Variants in NR2E3 observed in about 807,000 individuals in gnomAD.
NR2E3 encodes the protein photoreceptor-specific nuclear receptor.
A neutral mutation model predicts 37.6 loss-of-function variants in NR2E3; 38 were observed. The observed-to-expected ratio is 1.01, with a 90% CI of 0.78 to 1.33. The LOEUF is 1.33. Ranked by LOEUF, NR2E3 falls within the 40% of genes most tolerant of loss-of-function variation. NR2E3 has a pLI of 0.00. For synonymous variants in NR2E3, 235 were observed against 225.1 expected, an observed-to-expected ratio of 1.04 and a Z score of -0.39; for missense variants, 562 against 558.7, an observed-to-expected ratio of 1.01 and a Z score of -0.06.
chr15:71,816,257 CTTTT>C (rs59789846), intron 7 of NR2E3, among the ~76,000 whole-genome samples: 3 of 121,982 alleles, frequency 2.5e-5, no homozygotes, highest in East Asian at 2.7e-4. Context: ...TTAGCAAATA[CTTTT>C]TTTTTTTTTT....
chr15:71,813,774 G>C lies in NR2E3; in HGVS notation c.994+139G>C, dbSNP rs2054206185. 6.8e-7 allele frequency: 1 copy of C among 1,471,946 alleles called. No individual in the cohort carries two copies. Among genetic ancestry groups the C allele is most frequent in the Non-Finnish European group, 9.3e-7 (1 of 1,080,054 alleles). 91.2% of individuals were successfully genotyped at this position (1,471,946 alleles called of 1,614,324 possible). On this transcript the variant is annotated intron_variant, in intron 6 of 7. Transcript: ENST00000617575. This position sits in a 1 kb window ranked among gnomAD's most constrained non-coding sequence, Gnocchi z 4.7. ...GGGTGGGAGGAGAGTGGTGAGGCTG[G>C]ACTCCCTTCTCCTTGGGGCCACTCC... is the stretch of plus-strand genomic sequence containing the variant.
rs2054207496 is a variant in NR2E3, at chr15:71,813,986, A to C, written c.995-26A>C. ...TTATAACAGCCGTAAACCTGTGCTA[A>C]GCTCACTGGTGCTGCTTCTCCCCAG... On this transcript the variant is annotated intron_variant, in intron 6 of 7. Coordinates refer to ENST00000617575, the MANE Select transcript of NR2E3 (RefSeq NM_014249.4). The surrounding 1 kb of genome is among the most constrained non-coding windows in gnomAD (Gnocchi z 4.7). The C allele has an allele frequency of 2.5e-6, 4 of 1,601,290 alleles. No homozygotes were observed. The highest frequency in any genetic ancestry group is 1.1e-5 in the South Asian group (1 of 88,362).
intron 4 of NR2E3, 27 bp downstream of exon 4, chr15:71,812,203 A>G: frequency 6.2e-7 from 1 of 1,601,414 alleles, no homozygotes; most frequent in Non-Finnish European, 8.5e-7. Flanking sequence ...CTGAGGGCAC[A>G]GCAGGGCTTG....
Position 71,812,687 on chromosome 15 carries a change from G to C in NR2E3, c.747+176G>C, listed in dbSNP as rs117030747. Among the ~76,000 whole-genome samples, 47 of 152,304 alleles carry C rather than the reference G, an allele frequency of 3.1e-4. No individual in the cohort carries two copies. In the East Asian group the frequency reaches 9.1e-3, roughly 29 times the overall value. ...AGCGATGGCTGGGGTGCATCTCAGG[G>C]ATGGTGACGGTGGGGGTGCATGCAT... On this transcript the variant is annotated intron_variant, in intron 5 of 7. Coordinates refer to ENST00000617575, the MANE Select transcript of NR2E3 (RefSeq NM_014249.4).
chr15:71,816,788 CCTTGA>C (rs1214665048), intron 7 of NR2E3, among the ~76,000 whole-genome samples: 1 of 151,908 alleles, frequency 6.6e-6, no homozygotes, highest in Non-Finnish European at 1.5e-5. Context: ...TACAGGTGCT[CCTTGA>C]CTTATGATGG....
At chr15:71,810,973 C>T in intron 1 of NR2E3, 112 bp downstream of exon 1, 1 of 1,193,576 alleles carries the variant, frequency 8.4e-7, no homozygotes, top group Non-Finnish European at 1.1e-6. Context: ...CCCAGCCCCG[C>T]CGGCTGTGGG....
Position 71,813,561 on chromosome 15 carries a change from T to C in NR2E3, c.920T>C (p.Ile307Thr), listed in dbSNP as rs762584880. 5 of 1,613,930 alleles carry C rather than the reference T, an allele frequency of 3.1e-6. No homozygotes were observed. The South Asian group carries it at 5.5e-5, about 18-fold the overall frequency. The change falls in exon 6 of 8, where the codon ATC becomes ACC. Residue 307 changes from isoleucine (I) to threonine (T), a missense_variant. Physicochemically the swap from Ile to Thr is moderately conservative, Grantham distance 89. Coordinates refer to ENST00000617575, the MANE Select transcript of NR2E3 (RefSeq NM_014249.4). This position sits in a 1 kb window ranked among gnomAD's most constrained non-coding sequence, Gnocchi z 4.7. ...GAGACGCGTGTCCTGCAGGAAACTA[T>C]CTCTCGGTTCCGGGCATTGGCGGTG... ...SMETRVLQET[I>T]SRFRALAVDP...
chr15:71,812,741 C>T (rs906831680), intron 5 of NR2E3, among the ~76,000 whole-genome samples: 7 of 152,092 alleles, frequency 4.6e-5, no homozygotes, highest in Non-Finnish European at 8.8e-5. Flanking sequence ...GGTCGGGGTG[C>T]ACACCTAGGA....
In NR2E3 at chr15:71,812,051, C is replaced by T. The variant is rs1278777318; in HGVS notation, c.446C>T (p.Pro149Leu). The T allele has an allele frequency of 6.4e-7, 1 of 1,553,196 alleles. No homozygotes were observed. Among genetic ancestry groups the T allele is most frequent in the Admixed American group, 2.0e-5 (1 of 51,184 alleles). Residue 149 changes from proline (P) to leucine (L), a missense_variant, in exon 4 of 8, where the codon CCC becomes CTC. Transcript: ENST00000617575. ...TESRPESLVA[P>L]PAPAGRSPRG... ...TCCCGGCCGGAGTCCCTGGTGGCTC[C>T]CCCGGCCCCGGCAGGGCGCAGCCCA... is the stretch of plus-strand genomic sequence containing the variant.
chr15:71,814,485 A>C (rs748377144), intron 7 of NR2E3: 29 of 1,033,120 alleles, frequency 2.8e-5, no homozygotes, highest in Non-Finnish European at 3.1e-5. Flanking sequence ...AGGAAGAAGA[A>C]GTCTAAAAGA....
chr15:71,816,344 T>C (rs1343895638), intron 7 of NR2E3, among the ~76,000 whole-genome samples: 3 of 145,706 alleles, frequency 2.1e-5, no homozygotes, highest in Middle Eastern at 3.5e-3. Flanking sequence ...CACTGCAAGC[T>C]CCACCTCCTG....
chr15:71,813,711 C>G lies in NR2E3; in HGVS notation c.994+76C>G, dbSNP rs760705295. The G allele has an allele frequency of 1.3e-6, 2 of 1,595,156 alleles. No homozygotes were observed. The highest frequency in any genetic ancestry group is 2.7e-5 in the African/African-American group (2 of 74,788). On this transcript the variant is annotated intron_variant, in intron 6 of 7. Transcript: ENST00000617575. The surrounding 1 kb of genome is among the most constrained non-coding windows in gnomAD (Gnocchi z 4.7). ...CTGCCTCTCACTCTCCCTCCACTAC[C>G]CCCATGTGTGCAGATGTGTGTAGGC...
In NR2E3 at chr15:71,810,705, C is replaced by G. The variant is rs768497132; in HGVS notation, c.-39C>G. On this transcript the variant is annotated 5_prime_UTR_variant, in exon 1 of 8. Coordinates refer to ENST00000617575, the MANE Select transcript of NR2E3 (RefSeq NM_014249.4). ...AAAGGCTGGGCCAGGCTCAGCAACC[C>G]AGGCCTCCCGCAGGCAGGCAGAGGC... 6.4e-5 allele frequency: 99 copies of G among 1,550,742 alleles called. No homozygotes were observed. In the Admixed American group the frequency reaches 1.9e-3, roughly 30 times the overall value.
At chr15:71,814,889 G>A in intron 7 of NR2E3, 7 of 985,582 alleles carry the variant, frequency 7.1e-6, no homozygotes, top group Non-Finnish European at 8.4e-6. Context: ...CAGACCCGGT[G>A]TTTGGGTGAA....
chr15:71,811,639 G>A lies in NR2E3; in HGVS notation c.245+30G>A, dbSNP rs1273718609. ...GTGCGGTGGGCCCTGCTGGGCGTCT[G>A]CCCCTGAGGGGTTCTGGAGGGGTGA... On this transcript the variant is annotated intron_variant, in intron 2 of 7. Coordinates refer to ENST00000617575, the MANE Select transcript of NR2E3 (RefSeq NM_014249.4). This position sits in a 1 kb window ranked among gnomAD's most constrained non-coding sequence, Gnocchi z 5.6. The A allele has an allele frequency of 6.3e-7, 1 of 1,595,920 alleles. No individual in the cohort carries two copies. The highest frequency in any genetic ancestry group is 8.5e-7 in the Non-Finnish European group (1 of 1,171,582).
At chr15:71,814,166 T>G (rs757947443) in intron 7 of NR2E3, 49 bp downstream of exon 7, 1 of 1,571,564 alleles carries the variant, frequency 6.4e-7, no homozygotes, top group African/African-American at 1.3e-5. Context: ...ACCTCTAACC[T>G]TTCTCTGCCT....
rs1165198822 is a variant in NR2E3 at position 71,811,580 on chromosome 15, G to A, written c.216G>A (p.Lys72=). Residue 72 remains lysine (K), a synonymous_variant, in exon 2 of 8, where the codon AAG becomes AAA. Coordinates refer to ENST00000617575, the MANE Select transcript of NR2E3 (RefSeq NM_014249.4). The surrounding 1 kb of genome is among the most constrained non-coding windows in gnomAD (Gnocchi z 5.6). ...GCAACGGCTGCAGCGGCTTCTTCAAGAGGAGCGTACGGCGGAGGCTCATCT... is the reference window on the plus strand; with the variant it reads ...GCAACGGCTGCAGCGGCTTCTTCAAAAGGAGCGTACGGCGGAGGCTCATCT... The part of the protein sequence containing the change: ...YACNGCSGFF[K]RSVRRRLIYR... 6.2e-7 allele frequency: 1 copy of A among 1,604,832 alleles called. No homozygotes were observed. The highest frequency in any genetic ancestry group is 8.5e-7 in the Non-Finnish European group (1 of 1,176,214).
chr15:71,813,973 T>TA lies in NR2E3; in HGVS notation c.995-36dup, dbSNP rs1341558828. 22 of 1,590,430 alleles carry TA rather than the reference T, an allele frequency of 1.4e-5. No homozygotes were observed. The highest frequency in any genetic ancestry group is 1.9e-5 in the Non-Finnish European group (22 of 1,169,748). On this transcript the variant is annotated intron_variant, in intron 6 of 7. Transcript: ENST00000617575. The surrounding 1 kb of genome is among the most constrained non-coding windows in gnomAD (Gnocchi z 4.7). Reference sequence around the variant, plus strand: ...TTCATGGCCAGCCTTATAACAGCCGTAAACCTGTGCTAAGCTCACTGGTGC... The same window carrying TA: ...TTCATGGCCAGCCTTATAACAGCCGTAAAACCTGTGCTAAGCTCACTGGTGC...
chr15:71,815,288 C>A (rs138575723), intron 7 of NR2E3, among the ~76,000 whole-genome samples: 3 of 152,202 alleles, frequency 2.0e-5, no homozygotes, highest in African/African-American at 4.8e-5. Flanking sequence ...ATATGGGCAT[C>A]CTTGCATCAC....
Sources: gnomAD v4.1 joint callset for allele counts (sites outside exome capture counted in the v4.1 genomes callset) on GRCh38, gnomAD v4.1.1 for gene constraint, Gnocchi (gnomAD v3.1) non-coding constraint, MANE v1.5 for transcripts, NCBI Gene and HGNC (gene_info 2026-07-23, HGNC 2026-07-21) for gene names.